POU6F2: variants seen among roughly 807,000 people sequenced by gnomAD.
POU6F2 encodes the protein POU domain, class 6, transcription factor 2.
Under a neutral mutation model 71.3 loss-of-function variants are expected in POU6F2, and 31 were observed. The ratio of observed to expected loss-of-function variants is 0.43; its 90% confidence interval spans 0.33 to 0.59. The LOEUF (loss-of-function observed/expected upper bound fraction) is 0.59, where lower values mean the gene tolerates loss of function less well. POU6F2 is among the 20% of genes least tolerant of loss of function. The pLI, the probability that POU6F2 is intolerant of heterozygous loss-of-function variation, is 0.04. For synonymous variants in POU6F2, 347 were observed against 355.7 expected (o/e 0.98, Z 0.27); for missense variants, 783 against 856.8 (o/e 0.91, Z 1.07).
chr7:39,272,489 C>G (rs539802258), intron 4 of POU6F2, among the ~76,000 whole-genome samples: 2 of 152,250 alleles, frequency 1.3e-5, no homozygotes, highest in African/African-American at 4.8e-5. Context: ...GTAATAGGAG[C>G]CCAATAAATA....
intron 4 of POU6F2, among the ~76,000 whole-genome samples, chr7:39,297,190 T>TACATACACACAC (rs1784862980): frequency 1.7e-5 from 2 of 118,180 alleles, no homozygotes; most frequent in African/African-American, 6.0e-5. Context: ...CAAACACACA[T>TACATACACACAC]ACACATACAC....
chr7:39,207,606 T>C lies in POU6F2; in HGVS notation c.584T>C (p.Leu195Pro). 1 of 1,613,744 alleles carries C rather than the reference T, an allele frequency of 6.2e-7. No individual in the cohort carries two copies. Among genetic ancestry groups the C allele is most frequent in the Non-Finnish European group, 8.5e-7 (1 of 1,179,736 alleles). ...AAAGGIMTLPLQNLQATSSLN... is the reference protein window; with the variant it reads ...AAAGGIMTLPPQNLQATSSLN... ...GCCGGAGGCATTATGACTCTGCCAC[T>C]GCAAAATCTACAAGGTAATCCATAA... The change falls in exon 4 of 10, where the codon CTG (leucine) becomes CCG (proline). Residue 195 changes from leucine to proline, a missense_variant. Physicochemically the swap from Leu to Pro is moderately conservative, Grantham distance 98 (BLOSUM62 -3). Coordinates refer to ENST00000518318, the MANE Select transcript of POU6F2 (RefSeq NM_001370959.1).
At chr7:39,051,409 A>G (rs569264709) in intron 1 of POU6F2, among the ~76,000 whole-genome samples, 9 of 152,236 alleles carry the variant, frequency 5.9e-5, no homozygotes, top group Admixed American at 2.6e-4. Flanking sequence ...GGTGAGGGCT[A>G]ATGCTCGAAA....
intron 4 of POU6F2, among the ~76,000 whole-genome samples, chr7:39,264,951 T>C (rs1286570365): frequency 6.6e-6 from 1 of 152,104 alleles, no homozygotes; most frequent in Non-Finnish European, 1.5e-5. Context: ...AAGTATTTGC[T>C]CTTATTGTCA....
At chr7:38,979,628 C>G (rs1026999893) in intron 1 of POU6F2, among the ~76,000 whole-genome samples, 2 of 152,082 alleles carry the variant, frequency 1.3e-5, no homozygotes, top group African/African-American at 4.8e-5. Context: ...GCAAATATAT[C>G]AAATATAGCT....
chr7:39,190,462 C>T (rs1793640373), intron 2 of POU6F2, among the ~76,000 whole-genome samples: 1 of 118,700 alleles, frequency 8.4e-6, no homozygotes, highest in South Asian at 3.1e-4. Context: ...GAGTCAGTTA[C>T]TTGAATTTTC....
At chr7:39,145,447 C>G (rs550238274) in intron 2 of POU6F2, among the ~76,000 whole-genome samples, 1 of 152,194 alleles carries the variant, frequency 6.6e-6, no homozygotes, top group Non-Finnish European at 1.5e-5. Flanking sequence ...AGAAGTAACT[C>G]CTTGGCACAT....
chr7:39,022,470 G>C (rs1789699107), intron 1 of POU6F2, among the ~76,000 whole-genome samples: 1 of 152,132 alleles, frequency 6.6e-6, no homozygotes, highest in South Asian at 2.1e-4. Context: ...GTATGCACCT[G>C]GGTAACAGCT....
intron 1 of POU6F2, among the ~76,000 whole-genome samples, chr7:39,015,745 T>G (rs28970300): frequency 0.064 from 4,013 of 62,750 alleles, 146 homozygotes; most frequent in Middle Eastern, 0.14. Flanking sequence ...AGATATATAT[T>G]ATATATTATA....
At chr7:39,018,353 C>A (rs1789607810) in intron 1 of POU6F2, among the ~76,000 whole-genome samples, 1 of 152,144 alleles carries the variant, frequency 6.6e-6, no homozygotes, top group Non-Finnish European at 1.5e-5. Flanking sequence ...TACAAGCCCA[C>A]CCTCTAGTTA....
chr7:39,323,082 A>G (rs1359848878), intron 4 of POU6F2, among the ~76,000 whole-genome samples: 1 of 152,028 alleles, frequency 6.6e-6, no homozygotes, highest in Non-Finnish European at 1.5e-5. Context: ...TGCTATATGC[A>G]GGTTGCTGAG....
intron 1 of POU6F2, among the ~76,000 whole-genome samples, chr7:38,993,357 G>C (rs747162518): frequency 2.6e-5 from 4 of 152,060 alleles, no homozygotes; most frequent in African/African-American, 4.8e-5. Context: ...AAAATGCAGT[G>C]TTGATTGGTT....
chr7:39,234,855 T>C (rs6958617), intron 4 of POU6F2, among the ~76,000 whole-genome samples: 56,236 of 152,092 alleles, frequency 0.37, 10,712 homozygotes, highest in East Asian at 0.71. Flanking sequence ...GAAGTAAAAC[T>C]ATCCAGATAG....
At chr7:39,320,537 A>G (rs971537026) in intron 4 of POU6F2, among the ~76,000 whole-genome samples, 3 of 152,186 alleles carry the variant, frequency 2.0e-5, no homozygotes, top group African/African-American at 4.8e-5. Flanking sequence ...GAGTTTCAGC[A>G]TGGTCTGAAC....
At chr7:39,064,665 A>G (rs573031338) in intron 1 of POU6F2, among the ~76,000 whole-genome samples, 6 of 152,060 alleles carry the variant, frequency 3.9e-5, no homozygotes, top group African/African-American at 1.4e-4. Context: ...TCTGTAAGAT[A>G]TGAATAGCAA....
At chr7:39,271,451 G>A (rs1187868569) in intron 4 of POU6F2, among the ~76,000 whole-genome samples, 1 of 139,048 alleles carries the variant, frequency 7.2e-6, no homozygotes, top group African/African-American at 2.7e-5. Context: ...ATTTTGTTTT[G>A]TTTTACAAAG....
intron 1 of POU6F2, among the ~76,000 whole-genome samples, chr7:39,039,854 A>T (rs1790145641): frequency 6.6e-6 from 1 of 150,388 alleles, no homozygotes; most frequent in Admixed American, 6.7e-5. Flanking sequence ...CAGAAGTTTG[A>T]CTGGGGCTCA....
intron 4 of POU6F2, among the ~76,000 whole-genome samples, chr7:39,300,433 C>G (rs202057209): frequency 6.6e-6 from 1 of 152,198 alleles, no homozygotes; most frequent in Non-Finnish European, 1.5e-5. Flanking sequence ...CCAGTCCTCA[C>G]GGCAAGTGAC....
intron 2 of POU6F2, among the ~76,000 whole-genome samples, chr7:39,109,999 G>A (rs899756699): frequency 4.6e-5 from 7 of 152,092 alleles, no homozygotes; most frequent in South Asian, 2.1e-4. Flanking sequence ...GGCTGGGCGC[G>A]GAGGCTCACG....
Sources: allele counts gnomAD v4.1 joint callset (sites outside exome capture counted in the v4.1 genomes callset), GRCh38; gene constraint gnomAD v4.1.1; transcripts MANE v1.5; gene names NCBI Gene and HGNC (gene_info 2026-07-23, HGNC 2026-07-21).